Variants in LHFPL3 observed in about 807,000 individuals in gnomAD.
LHFPL3 encodes LHFPL tetraspan subfamily member 3 protein.
Under a neutral mutation model 19.3 loss-of-function variants are expected in LHFPL3, and 5 were observed. The ratio of observed to expected loss-of-function variants is 0.26; its 90% confidence interval spans 0.14 to 0.54. The LOEUF (loss-of-function observed/expected upper bound fraction) is 0.54, where lower values mean the gene tolerates loss of function less well. LHFPL3 is among the 20% of genes least tolerant of loss of function. The pLI is 0.94. For missense variants in LHFPL3, 249 were observed against 307.4 expected (o/e 0.81, Z 1.42); for synonymous variants, 133 against 126.2 (o/e 1.05, Z -0.36).
At chr7:104,448,987 G>A (rs967786622) in intron 1 of LHFPL3, among the ~76,000 whole-genome samples, 5 of 152,154 alleles carry the variant, frequency 3.3e-5, no homozygotes, top group Non-Finnish European at 7.4e-5. Flanking sequence ...TTTCACAAAC[G>A]AAGTGCCTTT....
At chr7:104,732,560 T>A (rs1341156985) in intron 1 of LHFPL3, among the ~76,000 whole-genome samples, 1 of 152,146 alleles carries the variant, frequency 6.6e-6, no homozygotes, top group African/African-American at 2.4e-5. Context: ...TCTGTGGGAT[T>A]GGTGGTGATA....
chr7:104,837,139 A>C (rs1450533483), intron 2 of LHFPL3, among the ~76,000 whole-genome samples: 2 of 152,172 alleles, frequency 1.3e-5, no homozygotes, highest in Non-Finnish European at 2.9e-5. Context: ...TCGATTTTGC[A>C]ACTTAGTCTA....
chr7:104,577,390 A>G (rs12705232), intron 1 of LHFPL3, among the ~76,000 whole-genome samples: 50,152 of 152,044 alleles, frequency 0.33, 8,854 homozygotes, highest in African/African-American at 0.46. Context: ...AAGTAAGCAC[A>G]AAATAGTGAT....
intron 1 of LHFPL3, among the ~76,000 whole-genome samples, chr7:104,500,348 T>C (rs1793577401): frequency 6.6e-6 from 1 of 152,210 alleles, no homozygotes; most frequent in Middle Eastern, 3.2e-3. Flanking sequence ...GAATTTTTTA[T>C]AGCTTAGTTT....
chr7:104,608,582 C>A (rs1791151521), intron 1 of LHFPL3, among the ~76,000 whole-genome samples: 2 of 151,604 alleles, frequency 1.3e-5, no homozygotes, highest in Admixed American at 1.3e-4. Flanking sequence ...ACCAACATGG[C>A]ACATGTATAC....
At chr7:104,780,808 C>T (rs1428431667) in intron 2 of LHFPL3, among the ~76,000 whole-genome samples, 1 of 152,174 alleles carries the variant, frequency 6.6e-6, no homozygotes, top group African/African-American at 2.4e-5. Flanking sequence ...CCACGCAAGC[C>T]ACATCCTGCA....
At chr7:104,824,645 T>C (rs1408777619) in intron 2 of LHFPL3, among the ~76,000 whole-genome samples, 1 of 85,560 alleles carries the variant, frequency 1.2e-5, no homozygotes, top group East Asian at 3.2e-4. Context: ...ATTTTATATA[T>C]TATATATAAT....
chr7:104,575,025 T>C (rs1463162570), intron 1 of LHFPL3, among the ~76,000 whole-genome samples: 1 of 152,242 alleles, frequency 6.6e-6, no homozygotes, highest in African/African-American at 2.4e-5. Flanking sequence ...AAGTAATTCA[T>C]TAATCATTAT....
chr7:104,790,376 G>A (rs1482067815), intron 2 of LHFPL3, among the ~76,000 whole-genome samples: 1 of 152,178 alleles, frequency 6.6e-6, no homozygotes, highest in African/African-American at 2.4e-5. Flanking sequence ...GAGCCTGCTT[G>A]TCTACAATGT....
intron 2 of LHFPL3, among the ~76,000 whole-genome samples, chr7:104,904,906 T>C (rs1792566537): frequency 6.6e-6 from 1 of 152,184 alleles, no homozygotes; most frequent in Non-Finnish European, 1.5e-5. Context: ...CCCTAATCTA[T>C]TGGAGAAAAG....
At chr7:104,594,430 C>T (rs1049356396) in intron 1 of LHFPL3, among the ~76,000 whole-genome samples, 10 of 152,210 alleles carry the variant, frequency 6.6e-5, no homozygotes, top group Non-Finnish European at 1.3e-4. Flanking sequence ...GGGCTTCCCT[C>T]TGTGGGTAAC....
intron 2 of LHFPL3, among the ~76,000 whole-genome samples, chr7:104,838,975 T>C (rs1216137063): frequency 6.6e-6 from 1 of 152,234 alleles, no homozygotes. Flanking sequence ...AATTCTAGCA[T>C]GCTTACATTT....
chr7:104,794,992 T>C (rs1256810956), intron 2 of LHFPL3, among the ~76,000 whole-genome samples: 1 of 152,232 alleles, frequency 6.6e-6, no homozygotes, highest in African/African-American at 2.4e-5. Flanking sequence ...ACTAGGTGGT[T>C]AGCACCTGGA....
chr7:104,453,873 G>A lies in LHFPL3; in HGVS notation c.445+124649G>A, dbSNP rs6958616. Reference sequence around the variant, plus strand: ...CACGTGATGTTCCTGCTCCCCCATCGCCTTCCACCATAATTGTAAGCTTCC... The same window carrying A: ...CACGTGATGTTCCTGCTCCCCCATCACCTTCCACCATAATTGTAAGCTTCC... On this transcript the variant is annotated intron_variant, in intron 1 of 2. Transcript: ENST00000424859. Among the ~76,000 whole-genome samples, 461 of 152,168 alleles carry A rather than the reference G, an allele frequency of 3.0e-3. 1 individual carries two copies. Among genetic ancestry groups the A allele is most frequent in the Middle Eastern group, 6.8e-3 (2 of 294 alleles).
intron 1 of LHFPL3, among the ~76,000 whole-genome samples, chr7:104,471,850 A>G (rs1792912784): frequency 6.6e-6 from 1 of 152,206 alleles, no homozygotes; most frequent in Non-Finnish European, 1.5e-5. Context: ...CTGAAGTTGG[A>G]TCATTAATGC....
At chr7:104,406,233 T>G (rs1027582367) in intron 1 of LHFPL3, among the ~76,000 whole-genome samples, 33 of 152,210 alleles carry the variant, frequency 2.2e-4, no homozygotes, top group African/African-American at 8.0e-4. Flanking sequence ...GGTACATTCC[T>G]GTTTGTCTGG....
At position 104,861,906 on chromosome 7, in the gene LHFPL3, C is replaced by T. The variant is rs538659786; in HGVS notation, c.683-44281C>T. Among the ~76,000 whole-genome samples the T allele has an allele frequency of 3.9e-5, 6 of 152,252 alleles. No individual in the cohort carries two copies. In the East Asian group the frequency reaches 9.6e-4, roughly 24 times the overall value. ...GACCTGGAATGAGTGCTGCTGTCCA[C>T]GCTGCTGATGGCAGGAATCCACAGG... On this transcript the variant is annotated intron_variant, in intron 2 of 2. Transcript: ENST00000424859.
intron 1 of LHFPL3, among the ~76,000 whole-genome samples, chr7:104,588,466 A>T (rs1163435585): frequency 3.3e-5 from 5 of 152,132 alleles, no homozygotes; most frequent in Admixed American, 6.5e-5. Context: ...GTTCTGTTCC[A>T]TTGATCTATA....
intron 2 of LHFPL3, among the ~76,000 whole-genome samples, chr7:104,753,247 C>G (rs868728794): frequency 6.6e-6 from 1 of 152,174 alleles, no homozygotes; most frequent in Non-Finnish European, 1.5e-5. Flanking sequence ...TAAACAGGCT[C>G]TATTCCAAAA....
Sources: allele counts gnomAD v4.1 joint callset (sites outside exome capture counted in the v4.1 genomes callset), GRCh38; gene constraint gnomAD v4.1.1; transcripts MANE v1.5; gene names NCBI Gene and HGNC (gene_info 2026-07-23, HGNC 2026-07-21).